The following CSNK1G3 variants were observed in gnomAD, a reference collection of about 807,000 sequenced individuals.
CSNK1G3 encodes casein kinase 1 gamma 3.
CSNK1G3 carries 23 observed loss-of-function variants against 64.3 expected under a neutral mutation model. The observed-to-expected ratio is 0.36, with a 90% CI of 0.26 to 0.51. CSNK1G3 has a LOEUF of 0.51. Ranked by LOEUF, CSNK1G3 falls within the 20% of genes least tolerant of loss-of-function variation. CSNK1G3 has a pLI of 0.96. For synonymous variants in CSNK1G3, 158 were observed against 162.2 expected, an observed-to-expected ratio of 0.97 and a Z score of 0.20; for missense variants, 357 against 510.5, an observed-to-expected ratio of 0.70 and a Z score of 2.90.
intron 10 of CSNK1G3, chr5:123,595,059 T>C (rs757976809): frequency 6.2e-6 from 10 of 1,613,632 alleles, no homozygotes; most frequent in South Asian, 1.1e-5. Flanking sequence ...ACAGGGCAGC[T>C]TGGGACTCCC....
chr5:123,597,679 GAAT>G (rs1274692553), intron 10 of CSNK1G3, among the ~76,000 whole-genome samples: 1 of 149,538 alleles, frequency 6.7e-6, no homozygotes, highest in Non-Finnish European at 1.5e-5. Flanking sequence ...TGCCTTTCCA[GAAT>G]TATTATATAG....
chr5:123,576,043 A>T (rs1232993195), intron 6 of CSNK1G3, 80 bp downstream of exon 6: 2 of 839,392 alleles, frequency 2.4e-6, no homozygotes, highest in African/African-American at 3.5e-5. Flanking sequence ...GTTATGGTTC[A>T]GTTTTTGCAG....
chr5:123,568,303 T>C (rs1402866320), intron 4 of CSNK1G3, among the ~76,000 whole-genome samples: 1 of 152,126 alleles, frequency 6.6e-6, no homozygotes, highest in Admixed American at 6.5e-5. Flanking sequence ...CTATGACCTT[T>C]TTTTGGTGCA....
At chr5:123,545,090 A>G (rs1782305972) in intron 1 of CSNK1G3, among the ~76,000 whole-genome samples, 1 of 152,048 alleles carries the variant, frequency 6.6e-6, no homozygotes, top group Non-Finnish European at 1.5e-5. Context: ...ACTTACTGGA[A>G]TTTTTTGAGT....
At chr5:123,593,249 A>G (rs556005947) in intron 10 of CSNK1G3, among the ~76,000 whole-genome samples, 14 of 151,306 alleles carry the variant, frequency 9.3e-5, no homozygotes, top group African/African-American at 3.1e-4. Flanking sequence ...TATTTAGGCA[A>G]TTCTTTAGGA....
chr5:123,566,189 G>A (rs149205024), intron 4 of CSNK1G3, among the ~76,000 whole-genome samples: 1,799 of 152,186 alleles, frequency 0.012, 41 homozygotes, highest in African/African-American at 0.04. Context: ...ATTTTGTTTT[G>A]TCACTTAAAG....
At chr5:123,532,776 T>C (rs1018183481) in intron 1 of CSNK1G3, among the ~76,000 whole-genome samples, 1 of 151,938 alleles carries the variant, frequency 6.6e-6, no homozygotes, top group East Asian at 1.9e-4. Flanking sequence ...TGCAAGTTAC[T>C]CGTTTGTTGA....
At chr5:123,596,503 A>G (rs1222040502) in intron 10 of CSNK1G3, among the ~76,000 whole-genome samples, 2 of 152,070 alleles carry the variant, frequency 1.3e-5, no homozygotes, top group African/African-American at 4.8e-5. Context: ...TTTCTGTACC[A>G]TTACCAGATT....
In CSNK1G3 at chr5:123,559,485, G is replaced by A. The variant is rs147444362; in HGVS notation, c.289+1921G>A. Among the ~76,000 whole-genome samples, 484 of 152,182 alleles carry A rather than the reference G, an allele frequency of 3.2e-3. 2 individuals carry two copies. Among genetic ancestry groups the A allele is most frequent in the Middle Eastern group, 6.8e-3 (2 of 294 alleles). On this transcript the variant is annotated intron_variant, in intron 4 of 12. Transcript: ENST00000345990. ...ATCTTTTAGGACTTGTATGCCATAG[G>A]ACTGCAGTGTTGCACAACTGCAGGG...
chr5:123,602,862 A>G (rs1794729804), intron 10 of CSNK1G3, among the ~76,000 whole-genome samples: 1 of 152,124 alleles, frequency 6.6e-6, no homozygotes, highest in Non-Finnish European at 1.5e-5. Context: ...ACCTCTTCCC[A>G]TATGCCAGGC....
chr5:123,568,609 A>G (rs1581177691), intron 4 of CSNK1G3, among the ~76,000 whole-genome samples: 1 of 152,160 alleles, frequency 6.6e-6, no homozygotes, highest in African/African-American at 2.4e-5. Flanking sequence ...CTTCTTGTGT[A>G]GTTTTAAGAG....
chr5:123,573,627 A>T, intron 5 of CSNK1G3, 86 bp downstream of exon 5: 2 of 1,240,428 alleles, frequency 1.6e-6, no homozygotes, highest in Non-Finnish European at 1.1e-6. Context: ...AAGTTCTGTG[A>T]TATTGTCTTA....
At chr5:123,612,545 T>G (rs896770577) in intron 12 of CSNK1G3, among the ~76,000 whole-genome samples, 1 of 151,702 alleles carries the variant, frequency 6.6e-6, no homozygotes, top group African/African-American at 2.4e-5. Flanking sequence ...TGGCGCGACC[T>G]TGGCTCACTG....
chr5:123,543,738 A>C (rs1423656981), intron 1 of CSNK1G3, among the ~76,000 whole-genome samples: 1 of 152,138 alleles, frequency 6.6e-6, no homozygotes, highest in Non-Finnish European at 1.5e-5. Context: ...TTTGATGCTT[A>C]AAAACAGGTG....
At chr5:123,572,834 A>G (rs901837658) in intron 4 of CSNK1G3, among the ~76,000 whole-genome samples, 1 of 152,164 alleles carries the variant, frequency 6.6e-6, no homozygotes, top group African/African-American at 2.4e-5. Flanking sequence ...CTTCTGATCA[A>G]CTTACAGTCA....
At chr5:123,530,097 A>AT (rs1779687704) in intron 1 of CSNK1G3, among the ~76,000 whole-genome samples, 1 of 152,250 alleles carries the variant, frequency 6.6e-6, no homozygotes, top group East Asian at 1.9e-4. Flanking sequence ...AAAAAAAAAA[A>AT]AAATCATAAA....
chr5:123,541,589 C>T (rs977834157), intron 1 of CSNK1G3, among the ~76,000 whole-genome samples: 2 of 151,946 alleles, frequency 1.3e-5, no homozygotes, highest in Non-Finnish European at 2.9e-5. Flanking sequence ...CCACCACTCC[C>T]AGCTTATTAT....
At chr5:123,607,429 A>G (rs560812737) in intron 12 of CSNK1G3, among the ~76,000 whole-genome samples, 2 of 152,302 alleles carry the variant, frequency 1.3e-5, no homozygotes, top group East Asian at 1.9e-4. Context: ...TACCCATACA[A>G]TGGACTGCCA....
At chr5:123,583,359 GTTTT>G (rs10611933) in intron 6 of CSNK1G3, among the ~76,000 whole-genome samples, 3 of 111,306 alleles carry the variant, frequency 2.7e-5, no homozygotes, top group Admixed American at 9.0e-5. Context: ...TAGAAATCCA[GTTTT>G]TTTTTTTTTT....
Sources: allele counts gnomAD v4.1 joint callset (sites outside exome capture counted in the v4.1 genomes callset), GRCh38; gene constraint gnomAD v4.1.1; transcripts MANE v1.5; gene names NCBI Gene and HGNC (gene_info 2026-07-23, HGNC 2026-07-21).